TBX5: variants seen among roughly 807,000 people sequenced by gnomAD.
The protein encoded by TBX5 is T-box transcription factor TBX5.
A neutral mutation model predicts 51.1 loss-of-function variants in TBX5; 8 were observed. The ratio of observed to expected loss-of-function variants is 0.16; its 90% CI spans 0.09 to 0.28. The LOEUF is 0.28. Among genes scored for constraint, TBX5 ranks in the 10% least tolerant of loss-of-function variants. The pLI is 1.00. For missense variants in TBX5, 589 were observed against 671.7 expected (o/e 0.88, Z 1.36); for synonymous variants, 302 against 266.4 (o/e 1.13, Z -1.30).
chr12:114,377,068 C>T (rs1870232970), intron 7 of TBX5, among the ~76,000 whole-genome samples: 1 of 152,182 alleles, frequency 6.6e-6, no homozygotes, highest in South Asian at 2.1e-4. Context: ...CACAACCCCG[C>T]TCTTGTTTTA....
At chr12:114,372,493 T>A (rs1475350011) in intron 7 of TBX5, among the ~76,000 whole-genome samples, 2 of 150,184 alleles carry the variant, frequency 1.3e-5, no homozygotes, top group African/African-American at 4.9e-5. Context: ...TTTTTTTTTT[T>A]AGAGATGGGG....
At chr12:114,408,108 C>T (rs1846715368), upstream of TBX5, 7 of 985,326 alleles carry the variant, frequency 7.1e-6, no homozygotes, top group South Asian at 1.9e-4. Context: ...GGAGACGTCA[C>T]GAGTCACGCA....
intron 1 of TBX5, among the ~76,000 whole-genome samples, chr12:114,405,256 GC>G (rs1489779182): frequency 1.3e-5 from 2 of 152,132 alleles, no homozygotes; most frequent in Admixed American, 6.5e-5. Context: ...GGCGACTGGA[GC>G]CCCGCTGCCT....
At position 114,403,743 on chromosome 12, in the gene TBX5, T is replaced by A. The variant is rs375693592; in HGVS notation, c.147+9A>T. The A allele has an allele frequency of 2.2e-5, 35 of 1,612,446 alleles. No individual in the cohort carries two copies. In the African/African-American group the frequency reaches 2.5e-4, roughly 12 times the overall value. ...CTGCAAAGGGACCCGAAGCGCGAGG[T>A]CTCCTTACCTGCTGGGTGAAGGCGG... On this transcript the variant is annotated intron_variant, in intron 2 of 8. Coordinates refer to ENST00000405440, the MANE Select transcript of TBX5 (RefSeq NM_181486.4).
At chr12:114,408,176 TC>T, upstream of TBX5, 1 of 985,324 alleles carries the variant, frequency 1.0e-6, no homozygotes, top group Non-Finnish European at 1.2e-6. Flanking sequence ...TAAATTTCTC[TC>T]CGTCTTCGCC....
At chr12:114,379,406 A>G (rs1185484821) in intron 7 of TBX5, among the ~76,000 whole-genome samples, 3 of 152,166 alleles carry the variant, frequency 2.0e-5, no homozygotes, top group Non-Finnish European at 4.4e-5. Context: ...TTCCTCTGCT[A>G]GAAGACTCCC....
intron 8 of TBX5, among the ~76,000 whole-genome samples, chr12:114,365,589 G>A (rs1038014127): frequency 6.6e-6 from 1 of 152,108 alleles, no homozygotes; most frequent in African/African-American, 2.4e-5. Context: ...AGCACTTTGG[G>A]AAGCCAAGGC....
chr12:114,366,872 G>A (rs1036403211), intron 7 of TBX5, among the ~76,000 whole-genome samples: 1 of 152,150 alleles, frequency 6.6e-6, no homozygotes, highest in Non-Finnish European at 1.5e-5. Flanking sequence ...GGAAGGTCAG[G>A]TATAATCCTA....
intron 6 of TBX5, among the ~76,000 whole-genome samples, chr12:114,391,240 A>G (rs1871128855): frequency 6.6e-6 from 1 of 152,260 alleles, no homozygotes; most frequent in Non-Finnish European, 1.5e-5. Context: ...CCTTGAATTG[A>G]TAACATGATC....
intron 7 of TBX5, among the ~76,000 whole-genome samples, chr12:114,372,603 G>A (rs1322091436): frequency 6.6e-6 from 1 of 151,934 alleles, no homozygotes; most frequent in African/African-American, 2.4e-5. Context: ...ACCTTATAAG[G>A]CCTAAATTTC....
Position 114,355,406 on chromosome 12 carries a change from G to C in TBX5, c.*126C>G, listed in dbSNP as rs1383741180. ...ATCCAGCGACCTTGAGTGCAGATGTGAACATTGGGTGAAATGAAAAATCTT... is the reference window on the plus strand; with the variant it reads ...ATCCAGCGACCTTGAGTGCAGATGTCAACATTGGGTGAAATGAAAAATCTT... On this transcript the variant is annotated 3_prime_UTR_variant, in exon 9 of 9. Transcript: ENST00000405440. 1 of 1,233,890 alleles carries C rather than the reference G, an allele frequency of 8.1e-7. No homozygotes were observed. Among genetic ancestry groups the C allele is most frequent in the Admixed American group, 2.0e-5 (1 of 50,690 alleles). 76.4% of individuals were successfully genotyped at this position (1,233,890 alleles called of 1,614,324 possible).
At chr12:114,373,806 A>G (rs1182233732) in intron 7 of TBX5, among the ~76,000 whole-genome samples, 2 of 152,262 alleles carry the variant, frequency 1.3e-5, no homozygotes, top group African/African-American at 4.8e-5. Flanking sequence ...CAAATAGTCT[A>G]GTACTGAACT....
chr12:114,370,794 A>G lies in TBX5; in HGVS notation c.756-4403T>C, dbSNP rs538042911. 2.0e-5 allele frequency among the ~76,000 whole-genome samples: 3 copies of G among 152,042 alleles called. No homozygotes were observed. The East Asian group carries it at 5.8e-4, about 29-fold the overall frequency. On this transcript the variant is annotated intron_variant, in intron 7 of 8. Transcript: ENST00000405440. The stretch of plus-strand genomic sequence containing the variant: ...TATTTTTTTCACATGACATTTTAAA[A>G]ATTTTTTTGTTTTGGGGGAATAGGT...
chr12:114,363,245 C>T (rs1466711701), intron 8 of TBX5, among the ~76,000 whole-genome samples: 1 of 152,216 alleles, frequency 6.6e-6, no homozygotes, highest in Admixed American at 6.5e-5. Flanking sequence ...GTGTCGTCAA[C>T]TGTGAGTATT....
At chr12:114,395,741 C>A (rs1871379400) in intron 5 of TBX5, among the ~76,000 whole-genome samples, 1 of 152,078 alleles carries the variant, frequency 6.6e-6, no homozygotes, top group Admixed American at 6.6e-5. Flanking sequence ...TCCTATCTTC[C>A]CCATATTTAG....
chr12:114,356,239 C>CAA, intron 8 of TBX5, 133 bp from the exon 9 acceptor site: 1 of 875,220 alleles, frequency 1.1e-6, no homozygotes, highest in Non-Finnish European at 1.8e-6. Flanking sequence ...ATTCTGAATA[C>CAA]AAAAAAAGGG....
chr12:114,392,178 TAAAAAAAAA>T (rs57938892), intron 6 of TBX5, among the ~76,000 whole-genome samples: 1 of 136,444 alleles, frequency 7.3e-6, no homozygotes, highest in African/African-American at 2.8e-5. Context: ...TGGATTGCGC[TAAAAAAAAA>T]AAAAAAAAAA....
chr12:114,366,436 A>AGG, intron 7 of TBX5, 45 bp from the exon 8 acceptor site: 1 of 1,598,184 alleles, frequency 6.3e-7, no homozygotes, highest in Non-Finnish European at 8.6e-7. Context: ...GTGCCCTGAT[A>AGG]CAGATTTCCT....
At position 114,374,897 on chromosome 12, in the gene TBX5, G is replaced by A. The variant is rs141642371; in HGVS notation, c.756-8506C>T. Among the ~76,000 whole-genome samples, 253 of 152,254 alleles carry A rather than the reference G, an allele frequency of 1.7e-3. 1 individual carries two copies. Among genetic ancestry groups the A allele is most frequent in the Admixed American group, 3.6e-3 (55 of 15,280 alleles). On this transcript the variant is annotated intron_variant, in intron 7 of 8. Coordinates refer to ENST00000405440, the MANE Select transcript of TBX5 (RefSeq NM_181486.4). Reference sequence around the variant, plus strand: ...AAGAAGGAGGGAGGGAGAGAGGGACGGAAGGATGGCTAGATGAATGGATGG... The same window carrying A: ...AAGAAGGAGGGAGGGAGAGAGGGACAGAAGGATGGCTAGATGAATGGATGG...
Sources: gnomAD v4.1 joint callset for allele counts (sites outside exome capture counted in the v4.1 genomes callset) on GRCh38, gnomAD v4.1.1 for gene constraint, MANE v1.5 for transcripts, NCBI Gene and HGNC (gene_info 2026-07-23, HGNC 2026-07-21) for gene names.